Variants in FHIT observed in about 807,000 individuals in gnomAD.
FHIT encodes the protein fragile histidine triad diadenosine triphosphatase.
Under a neutral mutation model 17.9 loss-of-function variants are expected in FHIT, and 19 were observed. That is an observed-to-expected ratio of 1.06 (90% CI 0.74 to 1.56). The LOEUF is 1.56. Among genes scored for constraint, FHIT ranks in the 40% most tolerant of loss-of-function variants. The pLI is 0.00. For synonymous variants in FHIT, 81 were observed against 69.7 expected, an observed-to-expected ratio of 1.16 and a Z score of -0.81; for missense variants, 248 against 189.2, an observed-to-expected ratio of 1.31 and a Z score of -1.82.
chr3:61,188,803 A>G lies in FHIT; in HGVS notation c.-164+11814T>C, dbSNP rs2038612690. ...ACACTCAAATCAATAAATGTAATCC[A>G]GCATATAAACAGAACCAAAGACAAA... On this transcript the variant is annotated intron_variant, in intron 2 of 9. Transcript: ENST00000492590. Among the ~76,000 whole-genome samples, 3 of 152,186 alleles carry G rather than the reference A, an allele frequency of 2.0e-5. No individual in the cohort carries two copies. The South Asian group carries it at 6.2e-4, about 32-fold the overall frequency.
chr3:60,206,434 A>G (rs1045482055), intron 5 of FHIT, among the ~76,000 whole-genome samples: 4 of 152,182 alleles, frequency 2.6e-5, no homozygotes, highest in African/African-American at 9.6e-5. Context: ...AAATCTGGGT[A>G]GATGTTGACT....
intron 4 of FHIT, among the ~76,000 whole-genome samples, chr3:60,736,466 AG>A (rs2042135228): frequency 6.6e-6 from 1 of 152,248 alleles, no homozygotes; most frequent in East Asian, 1.9e-4. Context: ...GGCAATAAAA[AG>A]AAATGAAGTT....
intron 2 of FHIT, among the ~76,000 whole-genome samples, chr3:61,056,329 G>C (rs1447580142): frequency 1.3e-5 from 2 of 152,214 alleles, no homozygotes; most frequent in Non-Finnish European, 2.9e-5. Flanking sequence ...AAGGAAGCGA[G>C]GTTGAAGAGC....
chr3:60,346,547 G>A (rs1459961067), intron 5 of FHIT, among the ~76,000 whole-genome samples: 1 of 152,112 alleles, frequency 6.6e-6, no homozygotes. Flanking sequence ...ATGAGATGAG[G>A]ACCTGTTAGC....
intron 5 of FHIT, among the ~76,000 whole-genome samples, chr3:60,491,517 T>C (rs932130623): frequency 3.3e-5 from 5 of 152,152 alleles, no homozygotes; most frequent in Non-Finnish European, 5.9e-5. Context: ...AACACTATTA[T>C]CTTCAGCCAC....
intron 5 of FHIT, among the ~76,000 whole-genome samples, chr3:60,525,515 C>T (rs763205493): frequency 3.9e-5 from 6 of 152,128 alleles, no homozygotes; most frequent in African/African-American, 7.2e-5. Context: ...GGGAGAAAGA[C>T]GTGCTACCAT....
chr3:60,663,937 C>A (rs1303370813), intron 4 of FHIT, among the ~76,000 whole-genome samples: 1 of 152,148 alleles, frequency 6.6e-6, no homozygotes, highest in African/African-American at 2.4e-5. Flanking sequence ...ACAATCATAT[C>A]ATCTACAAAG....
At chr3:60,600,587 T>C (rs1456178473) in intron 4 of FHIT, among the ~76,000 whole-genome samples, 1 of 152,126 alleles carries the variant, frequency 6.6e-6, no homozygotes, top group East Asian at 1.9e-4. Flanking sequence ...AAGATTCTGA[T>C]ACGTCAGCCC....
At chr3:60,557,047 C>T (rs2036765140) in intron 4 of FHIT, among the ~76,000 whole-genome samples, 1 of 152,162 alleles carries the variant, frequency 6.6e-6, no homozygotes, top group African/African-American at 2.4e-5. Flanking sequence ...ATTTGTTAAC[C>T]ATACTAATAA....
chr3:59,755,141 T>TATCAACAGTACTACTTATC (rs147263087), intron 8 of FHIT, among the ~76,000 whole-genome samples: 3 of 96,250 alleles, frequency 3.1e-5, no homozygotes, highest in Non-Finnish European at 6.7e-5. Flanking sequence ...CTTGTGATCC[T>TATCAACAGTACTACTTATC]ATCAACAGTA....
At chr3:60,722,204 G>A (rs1350466162) in intron 4 of FHIT, among the ~76,000 whole-genome samples, 1 of 152,198 alleles carries the variant, frequency 6.6e-6, no homozygotes, top group Non-Finnish European at 1.5e-5. Context: ...CTGAGCGACA[G>A]AACTGAAACC....
At chr3:60,430,590 T>C (rs1433289343) in intron 5 of FHIT, among the ~76,000 whole-genome samples, 1 of 152,130 alleles carries the variant, frequency 6.6e-6, no homozygotes, top group Non-Finnish European at 1.5e-5. Flanking sequence ...TTTTATTCTC[T>C]TATATCATTC....
At chr3:60,358,871 T>C (rs1014534511) in intron 5 of FHIT, among the ~76,000 whole-genome samples, 17 of 152,238 alleles carry the variant, frequency 1.1e-4, no homozygotes, top group African/African-American at 4.1e-4. Flanking sequence ...GTAATAATGG[T>C]AACTAACTCA....
intron 5 of FHIT, among the ~76,000 whole-genome samples, chr3:60,155,103 C>T (rs7646126): frequency 0.7 from 105,619 of 150,712 alleles, 39,051 homozygotes; most frequent in Non-Finnish European, 0.83. Flanking sequence ...GGGAGGACCA[C>T]CTGAGCCCAG....
intron 2 of FHIT, among the ~76,000 whole-genome samples, chr3:61,116,202 C>T (rs1253701491): frequency 1.3e-5 from 2 of 150,860 alleles, no homozygotes; most frequent in African/African-American, 4.9e-5. Flanking sequence ...CTTAAGTTTC[C>T]CTCTGTAAAT....
At chr3:61,149,641 G>T (rs1576107536) in intron 2 of FHIT, among the ~76,000 whole-genome samples, 1 of 152,068 alleles carries the variant, frequency 6.6e-6, no homozygotes, top group Non-Finnish European at 1.5e-5. Flanking sequence ...ATTTTGGGAG[G>T]CACAGATGGG....
chr3:60,993,864 C>G (rs2030454894), intron 3 of FHIT, among the ~76,000 whole-genome samples: 1 of 152,142 alleles, frequency 6.6e-6, no homozygotes, highest in Non-Finnish European at 1.5e-5. Context: ...CTCTATCTTA[C>G]TCTCCCTTTG....
chr3:59,826,082 G>A (rs1342867037), intron 8 of FHIT, among the ~76,000 whole-genome samples: 1 of 152,144 alleles, frequency 6.6e-6, no homozygotes, highest in Admixed American at 6.5e-5. Flanking sequence ...TCCACAGTAT[G>A]GTTCCCTATC....
intron 8 of FHIT, among the ~76,000 whole-genome samples, chr3:59,767,941 G>C (rs1701883925): frequency 6.6e-6 from 1 of 152,152 alleles, no homozygotes; most frequent in Admixed American, 6.5e-5. Context: ...AAGCTCTTTT[G>C]CATACAGAAT....
Sources: allele counts gnomAD v4.1 joint callset (sites outside exome capture counted in the v4.1 genomes callset), GRCh38; gene constraint gnomAD v4.1.1; transcripts MANE v1.5; gene names NCBI Gene and HGNC (gene_info 2026-07-23, HGNC 2026-07-21).